PKP2: variants seen among roughly 807,000 people sequenced by gnomAD.
PKP2 encodes the protein plakophilin-2.
In PKP2, 73 loss-of-function variants were observed where a neutral mutation model predicts 83.4. The ratio of observed to expected loss-of-function variants is 0.88; its 90% CI spans 0.72 to 1.06. The LOEUF (loss-of-function observed/expected upper bound fraction) is 1.06. Among genes scored for constraint, PKP2 ranks in the 50% least tolerant of loss-of-function variants. The pLI, the probability that PKP2 is intolerant of heterozygous loss-of-function variation, is 0.00. For synonymous variants in PKP2, 409 were observed against 430.4 expected (o/e 0.95, Z 0.62); for missense variants, 966 against 1,065.4 (o/e 0.91, Z 1.30).
At chr12:32,845,507 A>C (rs933590885) in intron 5 of PKP2, among the ~76,000 whole-genome samples, 2 of 152,174 alleles carry the variant, frequency 1.3e-5, no homozygotes, top group African/African-American at 2.4e-5. Flanking sequence ...AGCCGAGATC[A>C]TGCCACTGTA....
At chr12:32,885,329 G>C (rs922976201) in intron 1 of PKP2, among the ~76,000 whole-genome samples, 1 of 152,150 alleles carries the variant, frequency 6.6e-6, no homozygotes, top group Non-Finnish European at 1.5e-5. Flanking sequence ...TACAAACATT[G>C]CTCGAAATAA....
At chr12:32,821,040 C>A in intron 9 of PKP2, 1 of 361,844 alleles carries the variant, frequency 2.8e-6, no homozygotes, top group East Asian at 6.9e-5. Flanking sequence ...GCACCTAAGT[C>A]CAGTCACGAC....
chr12:32,838,126 C>T (rs1227614087), intron 6 of PKP2, among the ~76,000 whole-genome samples: 1 of 152,136 alleles, frequency 6.6e-6, no homozygotes, highest in Non-Finnish European at 1.5e-5. Flanking sequence ...ATACATACAC[C>T]ATGGAATACT....
chr12:32,857,587 C>T (rs1440386716), intron 4 of PKP2, among the ~76,000 whole-genome samples: 3 of 152,086 alleles, frequency 2.0e-5, no homozygotes, highest in African/African-American at 4.8e-5. Flanking sequence ...CTTATACATA[C>T]ATTTAAAAAC....
intron 1 of PKP2, among the ~76,000 whole-genome samples, chr12:32,887,828 T>C (rs1283631261): frequency 6.6e-6 from 1 of 152,242 alleles, no homozygotes; most frequent in African/African-American, 2.4e-5. Context: ...TATTATAAAC[T>C]GGTAATTTAG....
intron 3 of PKP2, among the ~76,000 whole-genome samples, chr12:32,870,718 C>A (rs373813168): frequency 2.0e-5 from 3 of 152,064 alleles, no homozygotes; most frequent in Non-Finnish European, 4.4e-5. Flanking sequence ...CCAGCCATCA[C>A]GGTTGTTTTA....
chr12:32,824,387 C>G, intron 6 of PKP2: 1 of 537,404 alleles, frequency 1.9e-6, no homozygotes, highest in Non-Finnish European at 3.3e-6. Flanking sequence ...CATAAGTCTT[C>G]TACTTCACTC....
At chr12:32,835,904 C>T (rs1956542269) in intron 6 of PKP2, among the ~76,000 whole-genome samples, 1 of 152,170 alleles carries the variant, frequency 6.6e-6, no homozygotes, top group Non-Finnish European at 1.5e-5. Flanking sequence ...CTCAGCCTCC[C>T]AAGTTGTTGA....
chr12:32,854,317 C>T (rs1458620209), intron 4 of PKP2, among the ~76,000 whole-genome samples: 1 of 152,224 alleles, frequency 6.6e-6, no homozygotes, highest in African/African-American at 2.4e-5. Flanking sequence ...CATACCAGTG[C>T]TTAGATAAAG....
At chr12:32,866,599 T>C (rs889496774) in intron 4 of PKP2, among the ~76,000 whole-genome samples, 1 of 144,218 alleles carries the variant, frequency 6.9e-6, no homozygotes, top group Non-Finnish European at 1.5e-5. Flanking sequence ...CCTTTGTCAT[T>C]GGGGAAATGC....
At chr12:32,832,476 G>A (rs957205910) in intron 6 of PKP2, among the ~76,000 whole-genome samples, 1 of 152,076 alleles carries the variant, frequency 6.6e-6, no homozygotes, top group African/African-American at 2.4e-5. Flanking sequence ...GGTTATGACT[G>A]GTTATGATAG....
At chr12:32,889,963 T>C (rs1431517196) in intron 1 of PKP2, among the ~76,000 whole-genome samples, 1 of 150,318 alleles carries the variant, frequency 6.7e-6, no homozygotes, top group East Asian at 2.0e-4. Context: ...TAATCCCACT[T>C]ACTTGAGAGG....
intron 9 of PKP2, chr12:32,820,971 C>G (rs1191049770): frequency 3.7e-6 from 1 of 272,700 alleles, no homozygotes; most frequent in Non-Finnish European, 7.2e-6. Context: ...CCTTTGAGAA[C>G]AAACCCAGCA....
intron 9 of PKP2, among the ~76,000 whole-genome samples, chr12:32,808,829 C>A (rs780972247): frequency 6.6e-6 from 1 of 152,136 alleles, no homozygotes; most frequent in African/African-American, 2.4e-5. Flanking sequence ...GTTGCCTCTG[C>A]TTTTCCTGTA....
intron 1 of PKP2, among the ~76,000 whole-genome samples, chr12:32,880,593 GT>G: frequency 6.6e-6 from 1 of 152,064 alleles, no homozygotes; most frequent in Non-Finnish European, 1.5e-5. Context: ...CTTTTGTTTG[GT>G]GGTCTAATAG....
chr12:32,858,150 A>T (rs561021901), intron 4 of PKP2, among the ~76,000 whole-genome samples: 1 of 108,786 alleles, frequency 9.2e-6, no homozygotes, highest in African/African-American at 3.2e-5. Flanking sequence ...ATATATATAT[A>T]TAAATATATA....
chr12:32,826,659 T>A (rs1228919213), intron 6 of PKP2, among the ~76,000 whole-genome samples: 1 of 152,184 alleles, frequency 6.6e-6, no homozygotes, highest in Non-Finnish European at 1.5e-5. Context: ...AATGGGTTCA[T>A]AAGCTGGAAA....
chr12:32,808,797 T>TG (rs1408920776), intron 9 of PKP2, among the ~76,000 whole-genome samples: 1 of 152,134 alleles, frequency 6.6e-6, no homozygotes. Flanking sequence ...TGTGGTTTGT[T>TG]GGGGGTCTGC....
At chr12:32,847,823 G>A (rs1956660790) in intron 5 of PKP2, among the ~76,000 whole-genome samples, 1 of 152,038 alleles carries the variant, frequency 6.6e-6, no homozygotes, top group Non-Finnish European at 1.5e-5. Flanking sequence ...AATCCAACGC[G>A]GGTGCAGTGG....
Sources: gnomAD v4.1 joint callset for allele counts (sites outside exome capture counted in the v4.1 genomes callset) on GRCh38, gnomAD v4.1.1 for gene constraint, MANE v1.5 for transcripts, NCBI Gene and HGNC (gene_info 2026-07-23, HGNC 2026-07-21) for gene names.